LARGE2: variants seen among roughly 807,000 people sequenced by gnomAD.
LARGE2 encodes LARGE xylosyl- and glucuronyltransferase 2.
LARGE2 carries 63 observed loss-of-function variants against 75.3 expected under a neutral mutation model. That is an observed-to-expected ratio of 0.84 (90% confidence interval 0.68 to 1.03). LARGE2 has a LOEUF of 1.03. Among genes scored for constraint, LARGE2 ranks in the 50% least tolerant of loss-of-function variants. LARGE2 has a pLI of 0.00. For synonymous variants in LARGE2, 428 were observed against 420.1 expected (o/e 1.02, Z -0.23); for missense variants, 925 against 980.6 (o/e 0.94, Z 0.76).
At chr11:45,923,613 C>A in intron 3 of LARGE2, 58 bp downstream of exon 3, 1 of 1,469,600 alleles carries the variant, frequency 6.8e-7, no homozygotes. Context: ...AAGCCCGGGA[C>A]AGGCTGCTGG....
rs1300242959 is a variant in LARGE2, at chr11:45,928,667, T to G, written c.1988T>G (p.Ile663Ser). ...CTGGTGCTGCCCGAGGCCTTCACCA[T>G]CCATCTGCCCCACGCTCCAAGCCTG... Reference protein sequence around the residue: ...ELLVLPEAFTIHLPHAPSLDI... With the variant: ...ELLVLPEAFTSHLPHAPSLDI... The change falls in exon 14 of 14, where the codon ATC becomes AGC. Residue 663 changes from isoleucine (I) to serine (S), a missense_variant. By Grantham distance (142) the Ile-to-Ser change is moderately radical. Coordinates refer to ENST00000401752, the MANE Select transcript of LARGE2 (RefSeq NM_001300721.2). The G allele has an allele frequency of 6.2e-7, 1 of 1,614,068 alleles. No homozygotes were observed. Among genetic ancestry groups the G allele is most frequent in the South Asian group, 1.1e-5 (1 of 91,078 alleles).
Position 45,926,857 on chromosome 11 carries a change from G to C in LARGE2, c.1311G>C (p.Gln437His). 1 of 1,611,358 alleles carries C rather than the reference G, an allele frequency of 6.2e-7. No individual in the cohort carries two copies. The highest frequency in any genetic ancestry group is 8.5e-7 in the Non-Finnish European group (1 of 1,179,458). ...CTCACGATGTCACCCTTGTGGCCCA[G>C]CTGTCCATGGACCGGTGAGGGTGCA... ...PRPHDVTLVAQLSMDRLQMLE... is the reference protein window; with the variant it reads ...PRPHDVTLVAHLSMDRLQMLE... Residue 437 changes from glutamine to histidine, a missense_variant, in exon 10 of 14, where the codon CAG becomes CAC. Coordinates refer to ENST00000401752, the MANE Select transcript of LARGE2 (RefSeq NM_001300721.2).
chr11:45,927,501 T>C lies in LARGE2; in HGVS notation c.1512T>C (p.Leu504=). 1 of 1,614,208 alleles carries C rather than the reference T, an allele frequency of 6.2e-7. No homozygotes were observed. The highest frequency in any genetic ancestry group is 1.1e-5 in the South Asian group (1 of 91,090). ...REGPLYPVNQ[L]RNVALAQALT... ...GGCCCCTATACCCCGTCAACCAGCTTCGCAACGTGGCCTTGGCCCAGGCCC... is the reference window on the plus strand; with the variant it reads ...GGCCCCTATACCCCGTCAACCAGCTCCGCAACGTGGCCTTGGCCCAGGCCC... The change falls in exon 11 of 14, where the codon CTT becomes CTC. Residue 504 remains leucine, a synonymous_variant. Coordinates refer to ENST00000401752, the MANE Select transcript of LARGE2 (RefSeq NM_001300721.2).
chr11:45,922,184 G>C (rs78936409), upstream of LARGE2, among the ~76,000 whole-genome samples: 180 of 152,232 alleles, frequency 1.2e-3, no homozygotes, highest in African/African-American at 4.1e-3. Flanking sequence ...GAGAGTGGGG[G>C]AGTGAGGCGA....
rs764909825 is a variant in LARGE2, at chr11:45,923,529, C to T, written c.342C>T (p.Thr114=). The change falls in exon 3 of 14, where the codon ACC becomes ACT. Residue 114 remains threonine (T), a synonymous_variant. Coordinates refer to ENST00000401752, the MANE Select transcript of LARGE2 (RefSeq NM_001300721.2). ...ATAACTCCAGCCGAGACGTCATCAC[C>T]CTGGTGAAGTCCATGCTCTTCTACA... ...AGHNSSRDVI[T]LVKSMLFYRK... 4 of 1,613,864 alleles carry T rather than the reference C, an allele frequency of 2.5e-6. No individual in the cohort carries two copies. The African/African-American group carries it at 4.0e-5, about 16-fold the overall frequency.
At chr11:45,924,088 G>C (rs1054706401) in intron 3 of LARGE2, 66 bp from the exon 4 acceptor site, 2 of 1,578,930 alleles carry the variant, frequency 1.3e-6, no homozygotes, top group Non-Finnish European at 1.7e-6. Context: ...GCGCCCCTCG[G>C]GGTGGGGGCT....
Position 45,924,225 on chromosome 11 carries a change from C to T in LARGE2, c.440C>T (p.Thr147Ile), listed in dbSNP as rs779930770. ...AACATCCTGGAGACGCTCTTCCACA[C>T]ATGGATGGTGCCTGCTGTCCGTGTC... is the stretch of plus-strand genomic sequence containing the variant. ...ARNILETLFH[T>I]WMVPAVRVSF... is the part of the protein sequence containing the mutation. Residue 147 changes from threonine to isoleucine, a missense_variant, in exon 4 of 14, where the codon ACA becomes ATA. Physicochemically the swap from Thr to Ile is moderately conservative, Grantham distance 89. Around this residue, in one of 3 missense-constraint regions of LARGE2, gnomAD observed 453 missense variants for 460.2 expected, o/e 0.98. Transcript: ENST00000401752. 1.2e-6 allele frequency: 2 copies of T among 1,613,618 alleles called. No homozygotes were observed. Among genetic ancestry groups the T allele is most frequent in the Non-Finnish European group, 1.7e-6 (2 of 1,180,014 alleles).
At chr11:45,927,646 C>A (rs547672018) in intron 11 of LARGE2, 53 bp downstream of exon 11, 14 of 1,591,688 alleles carry the variant, frequency 8.8e-6, no homozygotes, top group Non-Finnish European at 1.2e-5. Context: ...GTGGACGGGG[C>A]ATGCGTGGGA....
chr11:45,923,608 C>T (rs1590805689), intron 3 of LARGE2, 53 bp downstream of exon 3: 9 of 1,485,786 alleles, frequency 6.1e-6, no homozygotes, highest in Non-Finnish European at 8.5e-6. Flanking sequence ...GGACAAAGCC[C>T]GGGACAGGCT....
chr11:45,928,261 G>A lies in LARGE2; in HGVS notation c.1839G>A (p.Ala613=), dbSNP rs199912339. 40 of 1,614,036 alleles carry A rather than the reference G, an allele frequency of 2.5e-5. No individual in the cohort carries two copies. The highest frequency in any genetic ancestry group is 1.1e-4 in the African/African-American group (8 of 75,054). The change falls in exon 13 of 14, where the codon GCG becomes GCA. Residue 613 remains alanine (A), a synonymous_variant. Coordinates refer to ENST00000401752, the MANE Select transcript of LARGE2 (RefSeq NM_001300721.2). ...EAQAPYRVQW[A]ANYEPYVVVP... ...AGGCCCCGTACCGTGTGCAATGGGCGGCCAACTATGAACCCTACGTGGTGG... is the reference window on the plus strand; with the variant it reads ...AGGCCCCGTACCGTGTGCAATGGGCAGCCAACTATGAACCCTACGTGGTGG...
chr11:45,926,683 C>G (rs753015773), intron 9 of LARGE2, 28 bp from the exon 10 acceptor site: 3 of 1,611,816 alleles, frequency 1.9e-6, no homozygotes, highest in Non-Finnish European at 2.5e-6. Context: ...GCCCTATCCC[C>G]GGTCCTTGTC....
rs1360223048 is a variant in LARGE2, at chr11:45,928,937, C to A, written c.*92C>A. The A allele has an allele frequency of 2.7e-6, 4 of 1,506,484 alleles. No individual in the cohort carries two copies. Among genetic ancestry groups the A allele is most frequent in the Admixed American group, 2.0e-5 (1 of 50,696 alleles). The allele number at this position is 1,506,484 out of a possible 1,614,324, so 93.3% of individuals were successfully genotyped here. A position where few individuals can be genotyped will look rare whatever the true frequency, so the allele number is the denominator to read the frequency against. On this transcript the variant is annotated 3_prime_UTR_variant, in exon 14 of 14. Coordinates refer to ENST00000401752, the MANE Select transcript of LARGE2 (RefSeq NM_001300721.2). ...CCCTGCTATTTAAATTATTTAAGGTCTCTGGGAAGGGCTGGGGCAGAGCAT... is the reference window on the plus strand; with the variant it reads ...CCCTGCTATTTAAATTATTTAAGGTATCTGGGAAGGGCTGGGGCAGAGCAT...
Position 45,922,711 on chromosome 11 carries a change from C to T in LARGE2, c.-80C>T, listed in dbSNP as rs996563518. ...GCGGCTGCGAGCGCAGGGCCCAGCC[C>T]GGGAGCCGCTGGAGCAGGTGAGGGA... On this transcript the variant is annotated 5_prime_UTR_variant, in exon 1 of 14. Transcript: ENST00000401752. 2 of 451,506 alleles carry T rather than the reference C, an allele frequency of 4.4e-6. No homozygotes were observed. Among genetic ancestry groups the T allele is most frequent in the African/African-American group, 2.0e-5 (1 of 48,852 alleles). The allele number at this position is 451,506 out of a possible 1,614,324, so 28.0% of individuals were successfully genotyped here.
chr11:45,924,593 C>T lies in LARGE2; in HGVS notation c.580C>T (p.Leu194=), dbSNP rs887768124. ...LVLPSALPAE[L]ARVIVLDTDV... Reference sequence around the variant, plus strand: ...GCTGCCCAGTGCCTTGCCTGCTGAGCTGGCCCGCGTCATTGTCCTGGACAC... The same window carrying T: ...GCTGCCCAGTGCCTTGCCTGCTGAGTTGGCCCGCGTCATTGTCCTGGACAC... Residue 194 remains leucine, a synonymous_variant, in exon 5 of 14, where the codon CTG becomes TTG. Transcript: ENST00000401752. 6.2e-7 allele frequency: 1 copy of T among 1,614,112 alleles called. No individual in the cohort carries two copies. Among genetic ancestry groups the T allele is most frequent in the Non-Finnish European group, 8.5e-7 (1 of 1,180,030 alleles).
chr11:45,923,038 C>G lies in LARGE2; in HGVS notation c.156C>G (p.Leu52=). The G allele has an allele frequency of 7.1e-7, 1 of 1,406,280 alleles. No individual in the cohort carries two copies. The highest frequency in any genetic ancestry group is 1.5e-5 in the South Asian group (1 of 66,180). The allele number at this position is 1,406,280 out of a possible 1,614,324, so 87.1% of individuals were successfully genotyped here. ...AGAPGCFPGP[L]MPRVPPDGRL... is the part of the protein sequence containing the mutation. ...CCCCGGGATGCTTCCCCGGCCCGCT[C>G]ATGCCACGTGTCCCCCCAGACGGGA... Residue 52 remains leucine, a synonymous_variant, in exon 2 of 14, where the codon CTC becomes CTG. Transcript: ENST00000401752.
At chr11:45,924,067 C>A in intron 3 of LARGE2, 87 bp from the exon 4 acceptor site, 2 of 1,414,578 alleles carry the variant, frequency 1.4e-6, no homozygotes, top group African/African-American at 1.5e-5. Context: ...GCAGATGGCG[C>A]TTCCATCTCT....
In LARGE2 at chr11:45,928,604, CACTGCTCCTCT is replaced by C. The variant is rs2087379106; in HGVS notation, c.1951-25_1951-15del. 1 of 1,602,418 alleles carries C rather than the reference CACTGCTCCTCT, an allele frequency of 6.2e-7. No homozygotes were observed. The highest frequency in any genetic ancestry group is 1.3e-5 in the African/African-American group (1 of 74,772). ...CCGCAGGCCAGGCAAGCCAGGCAGC[CACTGCTCCTCT>C]GCCCCACCCTGCAGGAATATGAGCT... On this transcript the variant is annotated splice_polypyrimidine_tract_variant and intron_variant, in intron 13 of 13. Coordinates refer to ENST00000401752, the MANE Select transcript of LARGE2 (RefSeq NM_001300721.2).
Position 45,922,657 on chromosome 11 carries a change from C to T in LARGE2, c.-134C>T, listed in dbSNP as rs1279385704. The T allele has an allele frequency of 1.2e-5, 4 of 344,448 alleles. No homozygotes were observed. Among genetic ancestry groups the T allele is most frequent in the Non-Finnish European group, 2.1e-5 (4 of 192,400 alleles). The allele number at this position is 344,448 out of a possible 1,614,324, so 21.3% of individuals were successfully genotyped here. ...AGGTCGGGGGCGGGACCGGCCCGCG[C>T]CTCTCCCCTGGTTCCCGCACCCTGG... On this transcript the variant is annotated 5_prime_UTR_variant, in exon 1 of 14. Coordinates refer to ENST00000401752, the MANE Select transcript of LARGE2 (RefSeq NM_001300721.2).
upstream of LARGE2, among the ~76,000 whole-genome samples, chr11:45,922,291 C>T (rs529181273): frequency 6.6e-6 from 1 of 152,176 alleles, no homozygotes; most frequent in Non-Finnish European, 1.5e-5. Context: ...GCATTCCGGC[C>T]CCCTCCTCCT....
Sources: gnomAD v4.1 joint callset for allele counts (sites outside exome capture counted in the v4.1 genomes callset) on GRCh38, gnomAD v4.1.1 for gene constraint, gnomAD v4.1.1 regional missense constraint, MANE v1.5 for transcripts, NCBI Gene and HGNC (gene_info 2026-07-23, HGNC 2026-07-21) for gene names.